The following UBE2E2 variants were observed in gnomAD, a reference collection of about 807,000 sequenced individuals.
UBE2E2 encodes the protein ubiquitin conjugating enzyme E2 E2.
A neutral mutation model predicts 24.7 loss-of-function variants in UBE2E2; 6 were observed. The observed-to-expected ratio is 0.24, with a 90% CI of 0.13 to 0.48. The LOEUF (loss-of-function observed/expected upper bound fraction) is 0.48, where lower values mean the gene tolerates loss of function less well. UBE2E2 is among the 20% of genes least tolerant of loss of function. The pLI is 0.99. For missense variants in UBE2E2, 169 were observed against 245.0 expected (o/e 0.69, Z 2.07); for synonymous variants, 104 against 83.6 (o/e 1.24, Z -1.33).
intron 3 of UBE2E2, among the ~76,000 whole-genome samples, chr3:23,391,252 A>G (rs1238596632): frequency 6.6e-6 from 1 of 152,222 alleles, no homozygotes; most frequent in Non-Finnish European, 1.5e-5. Flanking sequence ...AATTCCTAGA[A>G]GTCAGCCTAA....
chr3:23,213,705 C>T (rs1696390145), intron 2 of UBE2E2, among the ~76,000 whole-genome samples: 1 of 152,052 alleles, frequency 6.6e-6, no homozygotes, highest in Admixed American at 6.6e-5. Flanking sequence ...TTTGACTTAG[C>T]AAGATAATAG....
intron 3 of UBE2E2, among the ~76,000 whole-genome samples, chr3:23,396,694 A>G (rs1575604058): frequency 1.3e-5 from 2 of 152,132 alleles, no homozygotes; most frequent in Admixed American, 6.6e-5. Flanking sequence ...TATAAAATGG[A>G]GATAATAATA....
intron 3 of UBE2E2, among the ~76,000 whole-genome samples, chr3:23,285,909 C>G (rs1006423745): frequency 6.6e-6 from 1 of 152,190 alleles, no homozygotes; most frequent in Non-Finnish European, 1.5e-5. Context: ...GTAGGCCCAG[C>G]TGGTCTCAAA....
intron 3 of UBE2E2, among the ~76,000 whole-genome samples, chr3:23,451,201 A>C (rs1262256019): frequency 6.6e-6 from 1 of 152,216 alleles, no homozygotes; most frequent in Non-Finnish European, 1.5e-5. Flanking sequence ...TAGCCTGAGC[A>C]ACATAGCCTC....
chr3:23,326,279 C>T (rs1694888007), intron 3 of UBE2E2, among the ~76,000 whole-genome samples: 1 of 152,154 alleles, frequency 6.6e-6, no homozygotes, highest in Admixed American at 6.5e-5. Context: ...CCATTTTGGC[C>T]AGGCTGTTCT....
intron 3 of UBE2E2, among the ~76,000 whole-genome samples, chr3:23,293,793 C>T (rs1035452646): frequency 6.6e-6 from 1 of 151,944 alleles, no homozygotes; most frequent in East Asian, 1.9e-4. Flanking sequence ...TTTCATTTTT[C>T]TTATTCTCTG....
chr3:23,372,788 A>G (rs1412019276), intron 3 of UBE2E2, among the ~76,000 whole-genome samples: 2 of 152,210 alleles, frequency 1.3e-5, no homozygotes, highest in Non-Finnish European at 2.9e-5. Context: ...TATAAGAACT[A>G]TATAGATATG....
intron 3 of UBE2E2, among the ~76,000 whole-genome samples, chr3:23,438,332 T>C (rs1214048230): frequency 6.6e-6 from 1 of 152,120 alleles, no homozygotes; most frequent in Non-Finnish European, 1.5e-5. Context: ...ATGGAGGATT[T>C]AGGGTACCAG....
chr3:23,299,737 G>A (rs953220025), intron 3 of UBE2E2, among the ~76,000 whole-genome samples: 2 of 152,182 alleles, frequency 1.3e-5, no homozygotes, highest in African/African-American at 4.8e-5. Context: ...GTGTGGTGTG[G>A]TGCTGAAAAG....
intron 4 of UBE2E2, among the ~76,000 whole-genome samples, chr3:23,510,104 T>C (rs1402576439): frequency 6.6e-6 from 1 of 152,170 alleles, no homozygotes; most frequent in Non-Finnish European, 1.5e-5. Context: ...CTTAGAGATT[T>C]GTTCAAGGAG....
At chr3:23,428,619 C>T (rs907761145) in intron 3 of UBE2E2, among the ~76,000 whole-genome samples, 1 of 151,744 alleles carries the variant, frequency 6.6e-6, no homozygotes, top group African/African-American at 2.4e-5. Context: ...TCTTTGAAAA[C>T]ATCAATAAAA....
chr3:23,307,043 GA>G, intron 3 of UBE2E2, among the ~76,000 whole-genome samples: 1 of 152,226 alleles, frequency 6.6e-6, no homozygotes, highest in Non-Finnish European at 1.5e-5. Context: ...AAAAGCAACA[GA>G]CAAGCTGATA....
At chr3:23,500,969 C>T (rs6788900) in intron 4 of UBE2E2, among the ~76,000 whole-genome samples, 12,953 of 152,144 alleles carry the variant, frequency 0.085, 718 homozygotes, top group South Asian at 0.22. Flanking sequence ...TGGTGACCAC[C>T]AAGAGCTTGC....
At chr3:23,390,410 G>A (rs1048867293) in intron 3 of UBE2E2, among the ~76,000 whole-genome samples, 1 of 152,146 alleles carries the variant, frequency 6.6e-6, no homozygotes, top group Non-Finnish European at 1.5e-5. Flanking sequence ...CATGGCTTCA[G>A]GGAAGGATCA....
chr3:23,367,550 G>A lies in UBE2E2; in HGVS notation c.228-132058G>A, dbSNP rs117059303. Among the ~76,000 whole-genome samples the A allele has an allele frequency of 1.2e-4, 19 of 152,298 alleles. No individual in the cohort carries two copies. The East Asian group carries it at 3.3e-3, about 26-fold the overall frequency. On this transcript the variant is annotated intron_variant, in intron 3 of 5. Coordinates refer to ENST00000396703, the MANE Select transcript of UBE2E2 (RefSeq NM_152653.4). ...AGGGTGGTATGCCCAGGAAAGGCAT[G>A]GAAGCTCTGTGCCCCTTCCCCCCAT...
intron 3 of UBE2E2, among the ~76,000 whole-genome samples, chr3:23,241,305 C>T (rs552520055): frequency 6.6e-6 from 1 of 152,314 alleles, no homozygotes; most frequent in East Asian, 1.9e-4. Context: ...TGAGTTATTG[C>T]CACACCCTCC....
chr3:23,212,716 G>C (rs1353174105), intron 2 of UBE2E2, among the ~76,000 whole-genome samples: 1 of 152,020 alleles, frequency 6.6e-6, no homozygotes, highest in Non-Finnish European at 1.5e-5. Context: ...GAATGAAATA[G>C]TACTTTTGTA....
At chr3:23,266,827 A>G (rs1698062245) in intron 3 of UBE2E2, among the ~76,000 whole-genome samples, 1 of 152,246 alleles carries the variant, frequency 6.6e-6, no homozygotes, top group East Asian at 1.9e-4. Flanking sequence ...CAGCAAATGT[A>G]AAAGAACAGA....
chr3:23,299,881 G>C (rs1295813831), intron 3 of UBE2E2, among the ~76,000 whole-genome samples: 2 of 152,048 alleles, frequency 1.3e-5, no homozygotes, highest in Non-Finnish European at 2.9e-5. Context: ...GTTGACAGTG[G>C]GGTGTTAAAG....
Sources: gnomAD v4.1 joint callset for allele counts (sites outside exome capture counted in the v4.1 genomes callset) on GRCh38, gnomAD v4.1.1 for gene constraint, MANE v1.5 for transcripts, NCBI Gene and HGNC (gene_info 2026-07-23, HGNC 2026-07-21) for gene names.